Variants in CREBBP observed in about 807,000 individuals in gnomAD.
CREBBP encodes the protein CREB-binding protein.
A neutral mutation model predicts 265.0 loss-of-function variants in CREBBP; 19 were observed. The observed-to-expected ratio is 0.07, with a 90% CI of 0.05 to 0.11. The LOEUF (loss-of-function observed/expected upper bound fraction) is 0.11, where lower values mean the gene tolerates loss of function less well. Among genes scored for constraint, CREBBP ranks in the 10% least tolerant of loss-of-function variants. The probability of loss-of-function intolerance (pLI) is 1.00; values close to 1 mark genes in which losing one functional copy is unlikely to be tolerated. For synonymous variants in CREBBP, 1,457 were observed against 1,223.7 expected (o/e 1.19, Z -3.98); for missense variants, 2,525 against 3,219.0 (o/e 0.78, Z 5.22).
At chr16:3,856,911 T>TC (rs1198158213) in intron 1 of CREBBP, among the ~76,000 whole-genome samples, 1 of 152,116 alleles carries the variant, frequency 6.6e-6, no homozygotes, top group African/African-American at 2.4e-5. Context: ...GCAGATAAAC[T>TC]CAGAGAGTAC....
At position 3,746,023 on chromosome 16, in the gene CREBBP, C is replaced by T. The variant is rs189186502; in HGVS notation, c.3837-669G>A. ...CCACAACCACGGCCCACCAGGGCTC[C>T]GTCACCTCCAGGAACCGCCTCAACC... is the stretch of plus-strand genomic sequence containing the variant. On this transcript the variant is annotated intron_variant, in intron 21 of 30. Coordinates refer to ENST00000262367, the MANE Select transcript of CREBBP (RefSeq NM_004380.3). Among the ~76,000 whole-genome samples the T allele has an allele frequency of 1.3e-3, 194 of 152,306 alleles. 1 individual carries two copies. Among genetic ancestry groups the T allele is most frequent in the East Asian group, 8.9e-3 (46 of 5,188 alleles).
At chr16:3,814,086 A>C (rs745631052) in intron 2 of CREBBP, among the ~76,000 whole-genome samples, 2 of 152,208 alleles carry the variant, frequency 1.3e-5, no homozygotes, top group Non-Finnish European at 2.9e-5. Context: ...TAGCCCTGCC[A>C]GGGTGAGTAT....
chr16:3,828,235 G>A (rs897661738), intron 2 of CREBBP, among the ~76,000 whole-genome samples: 1 of 152,116 alleles, frequency 6.6e-6, no homozygotes, highest in African/African-American at 2.4e-5. Flanking sequence ...TGAGATTACA[G>A]GCATGTGCCA....
chr16:3,839,034 C>A (rs1597032682), intron 2 of CREBBP, among the ~76,000 whole-genome samples: 2 of 152,334 alleles, frequency 1.3e-5, no homozygotes, highest in East Asian at 3.9e-4. Context: ...CATACACCAT[C>A]TCATTTAATT....
chr16:3,813,987 G>C (rs1162994708), intron 2 of CREBBP, among the ~76,000 whole-genome samples: 1 of 152,224 alleles, frequency 6.6e-6, no homozygotes, highest in Non-Finnish European at 1.5e-5. Flanking sequence ...CAAGAGGCCA[G>C]TGTGCTCTGT....
intron 2 of CREBBP, among the ~76,000 whole-genome samples, chr16:3,820,334 C>G (rs2054117644): frequency 6.6e-6 from 1 of 152,208 alleles, no homozygotes; most frequent in Non-Finnish European, 1.5e-5. Context: ...AAATACGCCA[C>G]TGATTACAGT....
intron 1 of CREBBP, among the ~76,000 whole-genome samples, chr16:3,852,157 GTT>G (rs910861282): frequency 0.014 from 727 of 50,604 alleles, 1 homozygote; most frequent in East Asian, 0.08. Context: ...TCTTAAATTT[GTT>G]TTTTTTTTTT....
chr16:3,746,058 TAA>T (rs1340395865), intron 21 of CREBBP, among the ~76,000 whole-genome samples: 1 of 152,216 alleles, frequency 6.6e-6, no homozygotes, highest in Admixed American at 6.5e-5. Flanking sequence ...CCAGGAATCT[TAA>T]ATGCCAAGAT....
intron 13 of CREBBP, among the ~76,000 whole-genome samples, chr16:3,772,328 A>AACACACACACACAC (rs34060381): frequency 1.4e-5 from 2 of 145,258 alleles, no homozygotes; most frequent in African/African-American, 2.6e-5. Flanking sequence ...CTGAAACACA[A>AACACACACACACAC]ACACACACAC....
chr16:3,849,444 T>TGTGTGTGTGTGTGTGTG (rs2054766642), intron 2 of CREBBP, among the ~76,000 whole-genome samples: 10 of 24,880 alleles, frequency 4.0e-4, no homozygotes, highest in South Asian at 2.5e-3. Flanking sequence ...TGTGTGTGTG[T>TGTGTGTGTGTGTGTGTG]GTGTGTGTGT....
intron 3 of CREBBP, among the ~76,000 whole-genome samples, chr16:3,806,677 G>A (rs935055407): frequency 2.6e-5 from 4 of 152,072 alleles, no homozygotes; most frequent in East Asian, 1.9e-4. Context: ...CAGAAGGATC[G>A]CCCTTGAACT....
intron 5 of CREBBP, among the ~76,000 whole-genome samples, chr16:3,789,492 C>T (rs1004363422): frequency 1.2e-4 from 18 of 152,164 alleles, no homozygotes; most frequent in African/African-American, 3.1e-4. Context: ...GTCTCTACCT[C>T]GGTCCTTTGA....
At chr16:3,775,828 T>C (rs1008185795) in intron 11 of CREBBP, among the ~76,000 whole-genome samples, 1 of 152,162 alleles carries the variant, frequency 6.6e-6, no homozygotes, top group African/African-American at 2.4e-5. Context: ...ACCAGCAGCA[T>C]CTTCCTATCC....
At chr16:3,743,298 C>A (rs1047972097) in intron 23 of CREBBP, 1 of 152,180 alleles carries the variant, frequency 6.6e-6, no homozygotes, top group East Asian at 1.9e-4. Context: ...GTTGAGAAAC[C>A]GAGCTAAGGA....
intron 16 of CREBBP, among the ~76,000 whole-genome samples, chr16:3,761,878 T>C (rs1165980292): frequency 6.6e-6 from 1 of 152,192 alleles, no homozygotes; most frequent in African/African-American, 2.4e-5. Context: ...ATGTAACAAA[T>C]AGCCTTTTGA....
chr16:3,767,486 G>A, intron 16 of CREBBP: 3 of 603,228 alleles, frequency 5.0e-6, no homozygotes, highest in Non-Finnish European at 8.7e-6. Context: ...TGCAGCCTGG[G>A]TGCCCTCGGA....
chr16:3,813,121 C>A (rs1281893811), intron 2 of CREBBP: 2 of 230,360 alleles, frequency 8.7e-6, no homozygotes, highest in Non-Finnish European at 1.7e-5. Flanking sequence ...TGCTGAAATG[C>A]CTGTACAGAA....
chr16:3,774,845 G>C (rs1391010867), intron 11 of CREBBP, 152 bp from the exon 12 acceptor site: 9 of 1,044,450 alleles, frequency 8.6e-6, no homozygotes, highest in Non-Finnish European at 1.3e-5. Context: ...TGAAGATGAT[G>C]AAGGAACAGA....
At chr16:3,811,900 C>T (rs951667904) in intron 2 of CREBBP, among the ~76,000 whole-genome samples, 16 of 152,036 alleles carry the variant, frequency 1.1e-4, no homozygotes, top group African/African-American at 3.9e-4. Flanking sequence ...AATGTGTATG[C>T]TATTGGTAAG....
Sources: gnomAD v4.1 joint callset for allele counts (sites outside exome capture counted in the v4.1 genomes callset) on GRCh38, gnomAD v4.1.1 for gene constraint, MANE v1.5 for transcripts, NCBI Gene and HGNC (gene_info 2026-07-23, HGNC 2026-07-21) for gene names.